Variants in CNTN4 observed in about 807,000 individuals in gnomAD.
The protein encoded by CNTN4 is contactin-4.
In CNTN4, 77 loss-of-function variants were observed where a neutral mutation model predicts 122.5. That is an observed-to-expected ratio of 0.63 (90% CI 0.52 to 0.76). The LOEUF is 0.76. Ranked by LOEUF, CNTN4 falls within the 30% of genes least tolerant of loss-of-function variation. CNTN4 has a pLI of 0.00. For missense variants in CNTN4, 1,256 were observed against 1,259.1 expected, an observed-to-expected ratio of 1.00 and a Z score of 0.04; for synonymous variants, 512 against 447.0, an observed-to-expected ratio of 1.15 and a Z score of -1.83.
At chr3:2,700,647 C>T (rs1394046893) in intron 4 of CNTN4, among the ~76,000 whole-genome samples, 4 of 31,742 alleles carry the variant, frequency 1.3e-4, no homozygotes, top group South Asian at 5.1e-3. Context: ...AAATAAATTC[C>T]CCTGGCAAAA....
At chr3:2,117,280 G>A (rs1232000145) in intron 2 of CNTN4, among the ~76,000 whole-genome samples, 1 of 152,212 alleles carries the variant, frequency 6.6e-6, no homozygotes, top group Non-Finnish European at 1.5e-5. Flanking sequence ...TATTATAAAG[G>A]ATGTTACAAA....
intron 2 of CNTN4, among the ~76,000 whole-genome samples, chr3:2,242,179 A>G (rs528054682): frequency 3.3e-5 from 5 of 152,284 alleles, no homozygotes; most frequent in Admixed American, 1.3e-4. Flanking sequence ...ACAAAACGAT[A>G]GACATTTTCT....
In CNTN4 at chr3:2,357,532, C is replaced by T. The variant is rs2044923538; in HGVS notation, c.-89+18299C>T. On this transcript the variant is annotated intron_variant, in intron 3 of 24. Coordinates refer to ENST00000418658, the MANE Select transcript of CNTN4 (RefSeq NM_175607.3). Reference sequence around the variant, plus strand: ...TTGTAAACATAAACATACACAGAAACAGATTTATCTATTTTCCAGCCAAGC... The same window carrying T: ...TTGTAAACATAAACATACACAGAAATAGATTTATCTATTTTCCAGCCAAGC... Among the ~76,000 whole-genome samples, 6 of 152,180 alleles carry T rather than the reference C, an allele frequency of 3.9e-5. No individual in the cohort carries two copies. In the South Asian group the frequency reaches 1.2e-3, roughly 32 times the overall value.
At chr3:2,984,093 G>A (rs529006423) in intron 13 of CNTN4, among the ~76,000 whole-genome samples, 2 of 152,168 alleles carry the variant, frequency 1.3e-5, no homozygotes, top group South Asian at 2.1e-4. Flanking sequence ...AAATTATTTT[G>A]TAATTTCACA....
chr3:2,284,225 G>A (rs958766032), intron 2 of CNTN4, among the ~76,000 whole-genome samples: 1 of 152,036 alleles, frequency 6.6e-6, no homozygotes, highest in Non-Finnish European at 1.5e-5. Flanking sequence ...AAGCAGTGAA[G>A]GAAACAACAT....
intron 2 of CNTN4, among the ~76,000 whole-genome samples, chr3:2,283,189 TAAAC>T (rs2041782576): frequency 6.6e-6 from 1 of 151,932 alleles, no homozygotes; most frequent in African/African-American, 2.4e-5. Context: ...GACATTATAA[TAAAC>T]AGAGAGTACA....
intron 3 of CNTN4, among the ~76,000 whole-genome samples, chr3:2,555,156 C>G (rs1229753149): frequency 6.6e-6 from 1 of 152,160 alleles, no homozygotes; most frequent in East Asian, 1.9e-4. Context: ...ATATGCATAT[C>G]TTTATTGAAA....
rs549846830 is a variant in CNTN4, at chr3:2,274,879, G to C, written c.-144-64299G>C. Among the ~76,000 whole-genome samples the C allele has an allele frequency of 2.5e-5, 3 of 118,356 alleles. No homozygotes were observed. The South Asian group carries it at 1.1e-3, about 44-fold the overall frequency. 77.6% of individuals were successfully genotyped at this position (118,356 alleles called of 152,430 possible). A position where few individuals can be genotyped will look rare whatever the true frequency, so the allele number is the denominator to read the frequency against. ...CTAGAACATAATGCTAGGAATTCAA[G>C]AATGGGGATCATATCCTGAGTACTG... On this transcript the variant is annotated intron_variant, in intron 2 of 24. Transcript: ENST00000418658.
chr3:2,969,092 A>G (rs1692619076), intron 13 of CNTN4, among the ~76,000 whole-genome samples: 1 of 152,210 alleles, frequency 6.6e-6, no homozygotes, highest in South Asian at 2.1e-4. Flanking sequence ...TTATTTTCAT[A>G]ATATTTCAAA....
intron 2 of CNTN4, among the ~76,000 whole-genome samples, chr3:2,254,948 G>A (rs1164940763): frequency 3.9e-5 from 6 of 152,184 alleles, no homozygotes; most frequent in African/African-American, 1.4e-4. Context: ...TTTTAGTCAT[G>A]AAGTCTTTGC....
intron 3 of CNTN4, among the ~76,000 whole-genome samples, chr3:2,502,357 C>T (rs1447298319): frequency 6.6e-6 from 1 of 152,146 alleles, no homozygotes; most frequent in Non-Finnish European, 1.5e-5. Context: ...GTTTTTGCTT[C>T]ATGTCTCATC....
intron 7 of CNTN4, among the ~76,000 whole-genome samples, chr3:2,862,548 A>T (rs1340644959): frequency 6.6e-6 from 1 of 152,206 alleles, no homozygotes; most frequent in East Asian, 1.9e-4. Context: ...CAATCCATTT[A>T]ATATGTTGCA....
chr3:2,238,931 T>C (rs963892204), intron 2 of CNTN4: 3 of 131,094 alleles, frequency 2.3e-5, no homozygotes, highest in African/African-American at 8.2e-5. Context: ...TTCACCGTGT[T>C]AGCCAGGATG....
chr3:2,816,587 C>G (rs1286034151), intron 6 of CNTN4, among the ~76,000 whole-genome samples: 1 of 151,508 alleles, frequency 6.6e-6, no homozygotes, highest in East Asian at 2.0e-4. Context: ...CTTTTGGAGG[C>G]TGAGGCGGGT....
At chr3:2,714,185 C>T (rs533312898) in intron 4 of CNTN4, among the ~76,000 whole-genome samples, 2 of 152,080 alleles carry the variant, frequency 1.3e-5, no homozygotes, top group Admixed American at 1.3e-4. Flanking sequence ...CTCTAAATTT[C>T]ACAACAATTT....
chr3:2,578,149 T>A (rs1319615165), intron 4 of CNTN4, among the ~76,000 whole-genome samples: 1 of 152,080 alleles, frequency 6.6e-6, no homozygotes, highest in African/African-American at 2.4e-5. Flanking sequence ...TAGACAAAAA[T>A]ATATACAAAC....
At chr3:2,893,000 GA>G (rs1020247348) in intron 10 of CNTN4, among the ~76,000 whole-genome samples, 1 of 152,088 alleles carries the variant, frequency 6.6e-6, no homozygotes, top group African/African-American at 2.4e-5. Flanking sequence ...TAGGTAAGGT[GA>G]AAAAAATCCA....
chr3:2,346,544 T>A (rs1034993807), intron 3 of CNTN4, among the ~76,000 whole-genome samples: 1 of 152,164 alleles, frequency 6.6e-6, no homozygotes, highest in Admixed American at 6.5e-5. Flanking sequence ...CTCTAATTTT[T>A]TTGTATCACT....
At chr3:2,602,232 G>T (rs1247322663) in intron 4 of CNTN4, among the ~76,000 whole-genome samples, 1 of 152,184 alleles carries the variant, frequency 6.6e-6, no homozygotes, top group Non-Finnish European at 1.5e-5. Flanking sequence ...AGGGTTGAAA[G>T]TTCTGGCCAG....
Sources: allele counts gnomAD v4.1 joint callset (sites outside exome capture counted in the v4.1 genomes callset), GRCh38; gene constraint gnomAD v4.1.1; transcripts MANE v1.5; gene names NCBI Gene and HGNC (gene_info 2026-07-23, HGNC 2026-07-21).